The following ARHGAP22 variants were observed in gnomAD, a reference collection of about 807,000 sequenced individuals.
The protein encoded by ARHGAP22 is Rho GTPase activating protein 22, also known as rho GTPase-activating protein 22.
A neutral mutation model predicts 59.1 loss-of-function variants in ARHGAP22; 48 were observed. The ratio of observed to expected loss-of-function variants is 0.81; its 90% CI spans 0.64 to 1.03. ARHGAP22 has a LOEUF of 1.03. Ranked by LOEUF, ARHGAP22 falls within the 50% of genes least tolerant of loss-of-function variation. ARHGAP22 has a pLI of 0.00. For missense variants in ARHGAP22, 1,015 were observed against 958.7 expected, an observed-to-expected ratio of 1.06 and a Z score of -0.78; for synonymous variants, 445 against 416.4, an observed-to-expected ratio of 1.07 and a Z score of -0.84.
At chr10:48,536,939 C>T (rs1368613232) in intron 3 of ARHGAP22, among the ~76,000 whole-genome samples, 7 of 152,110 alleles carry the variant, frequency 4.6e-5, no homozygotes, top group Admixed American at 2.0e-4. Context: ...AACCAATCAC[C>T]CCTCTTCTGC....
chr10:48,499,069 C>T (rs1421001578), intron 3 of ARHGAP22, among the ~76,000 whole-genome samples: 1 of 152,194 alleles, frequency 6.6e-6, no homozygotes, highest in Admixed American at 6.5e-5. Context: ...CTCCGGCCAG[C>T]GAGCAGAGCC....
intron 3 of ARHGAP22, among the ~76,000 whole-genome samples, chr10:48,484,050 C>G (rs1473764155): frequency 6.6e-6 from 1 of 152,150 alleles, no homozygotes; most frequent in Non-Finnish European, 1.5e-5. Flanking sequence ...TAGTTGATTT[C>G]TGTACAGAGA....
At chr10:48,545,608 C>T (rs890026369) in intron 3 of ARHGAP22, among the ~76,000 whole-genome samples, 3 of 152,216 alleles carry the variant, frequency 2.0e-5, no homozygotes, top group Non-Finnish European at 4.4e-5. Flanking sequence ...CCCACTCAGG[C>T]GGCGGCTAAT....
chr10:48,454,129 G>T lies in ARHGAP22; in HGVS notation c.825C>A (p.Asn275Lys). The change falls in exon 7 of 10, where the codon AAC (asparagine) becomes AAA (lysine). Residue 275 changes from asparagine to lysine, a missense_variant. By Grantham distance (94) the Asn-to-Lys change is moderately conservative. Transcript: ENST00000249601. Reference sequence around the variant, plus strand: ...GCAGGTTGTAATTTGCCTGAGGAAGGTTGCTCACTTGTTTAGCCAACTCCA... The same window carrying T: ...GCAGGTTGTAATTTGCCTGAGGAAGTTTGCTCACTTGTTTAGCCAACTCCA... ...GTLELAKQVSNLPQANYNLLR... is the reference protein window; with the variant it reads ...GTLELAKQVSKLPQANYNLLR... The T allele has an allele frequency of 6.2e-7, 1 of 1,614,078 alleles. No individual in the cohort carries two copies. The highest frequency in any genetic ancestry group is 8.5e-7 in the Non-Finnish European group (1 of 1,179,980).
chr10:48,435,856 A>G, the ARHGAP22 span: 1 of 152,264 alleles, frequency 6.6e-6, no homozygotes, highest in Non-Finnish European at 1.5e-5. Flanking sequence ...TTTCAATGCA[A>G]ATAAACAGAT....
At chr10:48,597,530 C>T (rs12246089) in intron 1 of ARHGAP22, among the ~76,000 whole-genome samples, 9,884 of 152,146 alleles carry the variant, frequency 0.065, 1,039 homozygotes, top group African/African-American at 0.23. Flanking sequence ...GGGCCAGATA[C>T]GGATCCTGCT....
intron 1 of ARHGAP22, among the ~76,000 whole-genome samples, chr10:48,625,509 A>G (rs1025073440): frequency 1.6e-4 from 24 of 152,162 alleles, no homozygotes; most frequent in African/African-American, 5.6e-4. Context: ...GACCAGCTTT[A>G]AAAACATGTG....
chr10:48,481,973 G>C (rs2049369069), intron 3 of ARHGAP22, among the ~76,000 whole-genome samples: 3 of 152,016 alleles, frequency 2.0e-5, no homozygotes, highest in Non-Finnish European at 4.4e-5. Context: ...TTCCATTATT[G>C]GTGTTGAGAG....
chr10:48,615,492 T>A (rs1280720148), intron 1 of ARHGAP22, among the ~76,000 whole-genome samples: 1 of 152,206 alleles, frequency 6.6e-6, no homozygotes, highest in Non-Finnish European at 1.5e-5. Context: ...GAAAATCTTA[T>A]TTCCAGAATT....
the ARHGAP22 span, chr10:48,434,830 G>C: frequency 2.0e-6 from 3 of 1,517,654 alleles, no homozygotes; most frequent in South Asian, 2.6e-5. Context: ...AGTGCAAGTA[G>C]CTTGATCTGC....
chr10:48,577,825 T>A (rs1199572379), intron 2 of ARHGAP22, among the ~76,000 whole-genome samples: 21 of 136,130 alleles, frequency 1.5e-4, no homozygotes, highest in Non-Finnish European at 2.8e-4. Flanking sequence ...TTTTTTTTTT[T>A]TTTTGGAGAC....
chr10:48,619,805 A>G (rs577249023), intron 1 of ARHGAP22, among the ~76,000 whole-genome samples: 2 of 152,346 alleles, frequency 1.3e-5, no homozygotes, highest in East Asian at 3.9e-4. Context: ...TTTTATGAAG[A>G]AGACCTCAAA....
intron 1 of ARHGAP22, among the ~76,000 whole-genome samples, chr10:48,590,794 G>C (rs1177787348): frequency 6.6e-6 from 1 of 150,644 alleles, no homozygotes; most frequent in Non-Finnish European, 1.5e-5. Context: ...TGGTCATGGG[G>C]GTATTGCTTC....
At chr10:48,602,152 T>C (rs1253800587) in intron 1 of ARHGAP22, among the ~76,000 whole-genome samples, 1 of 152,212 alleles carries the variant, frequency 6.6e-6, no homozygotes, top group African/African-American at 2.4e-5. Flanking sequence ...AAATGTTGGT[T>C]TACTTTCTTG....
At chr10:48,640,627 T>G (rs2062006063) in intron 1 of ARHGAP22, among the ~76,000 whole-genome samples, 1 of 152,144 alleles carries the variant, frequency 6.6e-6, no homozygotes, top group Non-Finnish European at 1.5e-5. Flanking sequence ...TATCAAAAAA[T>G]ATATCCTTCA....
chr10:48,495,412 A>G (rs1169845952), intron 3 of ARHGAP22, among the ~76,000 whole-genome samples: 1 of 152,224 alleles, frequency 6.6e-6, no homozygotes, highest in Non-Finnish European at 1.5e-5. Context: ...GAGGCTACAG[A>G]AGGTTGAATA....
upstream of ARHGAP22, among the ~76,000 whole-genome samples, chr10:48,607,591 G>A (rs78823877): frequency 0.014 from 2,073 of 152,308 alleles, 17 homozygotes; most frequent in Non-Finnish European, 0.021. Flanking sequence ...GGCAGGGCAA[G>A]GGGATCTGTT....
intron 1 of ARHGAP22, among the ~76,000 whole-genome samples, chr10:48,604,159 A>T (rs1005914954): frequency 6.6e-6 from 1 of 152,204 alleles, no homozygotes; most frequent in Non-Finnish European, 1.5e-5. Flanking sequence ...CAGGCTGGCT[A>T]GCCCAGTCCT....
At chr10:48,602,616 C>G (rs946448255) in intron 1 of ARHGAP22, among the ~76,000 whole-genome samples, 1 of 152,202 alleles carries the variant, frequency 6.6e-6, no homozygotes, top group African/African-American at 2.4e-5. Context: ...GCTTTCTCCT[C>G]TATCCAGCTA....
Sources: allele counts gnomAD v4.1 joint callset (sites outside exome capture counted in the v4.1 genomes callset), GRCh38; gene constraint gnomAD v4.1.1; transcripts MANE v1.5; gene names NCBI Gene and HGNC (gene_info 2026-07-23, HGNC 2026-07-21).